GRIK3: variants seen among roughly 807,000 people sequenced by gnomAD.
The protein encoded by GRIK3 is glutamate ionotropic receptor kainate type subunit 3.
GRIK3 carries 29 observed loss-of-function variants against 102.5 expected under a neutral mutation model. The observed-to-expected ratio is 0.28, with a 90% CI of 0.21 to 0.39. The LOEUF (loss-of-function observed/expected upper bound fraction) is 0.39. Among genes scored for constraint, GRIK3 ranks in the 10% least tolerant of loss-of-function variants. The pLI, the probability that GRIK3 is intolerant of heterozygous loss-of-function variation, is 1.00. For missense variants in GRIK3, 908 were observed against 1,252.4 expected (o/e 0.73, Z 4.15); for synonymous variants, 511 against 504.9 (o/e 1.01, Z -0.16).
intron 1 of GRIK3, among the ~76,000 whole-genome samples, chr1:36,967,862 G>A (rs950623737): frequency 6.6e-6 from 1 of 152,198 alleles, no homozygotes. Flanking sequence ...ACAGATCTAC[G>A]ATAAATAGTA....
chr1:36,930,916 C>A (rs573865930), intron 1 of GRIK3, among the ~76,000 whole-genome samples: 1 of 152,202 alleles, frequency 6.6e-6, no homozygotes, highest in Non-Finnish European at 1.5e-5. Flanking sequence ...GAACTAGCTA[C>A]GCTTTTAGGT....
At chr1:37,025,188 C>T (rs1642754223) in intron 1 of GRIK3, among the ~76,000 whole-genome samples, 1 of 152,170 alleles carries the variant, frequency 6.6e-6, no homozygotes, top group African/African-American at 2.4e-5. Context: ...TGGATGGGGC[C>T]TACAATTGGT....
Position 37,020,382 on chromosome 1 carries a change from G to A in GRIK3, c.115+13612C>T, listed in dbSNP as rs548960451. ...AATATGGCTCTATTATAGGTATGCAGGTCTCCACAACTCAGGAAATAATAA... is the reference window on the plus strand; with the variant it reads ...AATATGGCTCTATTATAGGTATGCAAGTCTCCACAACTCAGGAAATAATAA... On this transcript the variant is annotated intron_variant, in intron 1 of 15. Transcript: ENST00000373091. 3.3e-5 allele frequency among the ~76,000 whole-genome samples: 5 copies of A among 152,306 alleles called. No individual in the cohort carries two copies. In the East Asian group the frequency reaches 9.6e-4, roughly 29 times the overall value.
intron 1 of GRIK3, among the ~76,000 whole-genome samples, chr1:36,984,512 A>G (rs1003381193): frequency 5.9e-5 from 9 of 152,196 alleles, no homozygotes; most frequent in Non-Finnish European, 1.0e-4. Flanking sequence ...CTTCCTGCTT[A>G]CCCAAACTCC....
At position 36,820,961 on chromosome 1, in the gene GRIK3, A is replaced by G. The variant is rs189708673; in HGVS notation, c.1755-1107T>C. 2.1e-3 allele frequency among the ~76,000 whole-genome samples: 316 copies of G among 152,302 alleles called. 4 individuals carry two copies. In the East Asian group the frequency reaches 0.027, roughly 13 times the overall value. ...AAGCTCGAGAGGTTGGGGGGACCCT[A>G]GAAAAAGTCCCAGGCTGGTGGACAT... On this transcript the variant is annotated intron_variant, in intron 11 of 15. Coordinates refer to ENST00000373091, the MANE Select transcript of GRIK3 (RefSeq NM_000831.4).
intron 1 of GRIK3, among the ~76,000 whole-genome samples, chr1:37,009,696 A>G: frequency 6.6e-6 from 1 of 152,220 alleles, no homozygotes; most frequent in Non-Finnish European, 1.5e-5. Context: ...TAATTAGGCT[A>G]GAGTTGCCTC....
In GRIK3 at chr1:36,806,738, A is replaced by G. The variant is rs1360981596; in HGVS notation, c.2092-412T>C. ...GGCACCATCACAAGCCCCATTTTAC[A>G]AATAAAAAGATTGAGGCACAGCTAA... is the stretch of plus-strand genomic sequence containing the variant. On this transcript the variant is annotated intron_variant, in intron 13 of 15. Transcript: ENST00000373091. This position sits in a 1 kb window ranked among gnomAD's most constrained non-coding sequence, Gnocchi z 4.0. 6.6e-6 allele frequency among the ~76,000 whole-genome samples: 1 copy of G among 152,202 alleles called. No homozygotes were observed. Among genetic ancestry groups the G allele is most frequent in the African/African-American group, 2.4e-5 (1 of 41,444 alleles).
rs1404159789 is a variant in GRIK3, at chr1:36,825,748, T to C, written c.1609A>G (p.Thr537Ala). ...CGATACAGGATGCTCACACCAAGTG[T>C]CATGAAGGGCTTGGAGAAGTCGATG... ...KAIDFSKPFMTLGVSILYRKP... is the reference protein window; with the variant it reads ...KAIDFSKPFMALGVSILYRKP... The change falls in exon 11 of 16, where the codon ACA becomes GCA. Residue 537 changes from threonine to alanine, a missense_variant. Coordinates refer to ENST00000373091, the MANE Select transcript of GRIK3 (RefSeq NM_000831.4). The C allele has an allele frequency of 1.9e-6, 3 of 1,613,930 alleles. No individual in the cohort carries two copies. Among genetic ancestry groups the C allele is most frequent in the South Asian group, 1.1e-5 (1 of 91,054 alleles).
intron 1 of GRIK3, among the ~76,000 whole-genome samples, chr1:36,928,713 G>GA (rs377089271): frequency 4.4e-4 from 67 of 151,384 alleles, no homozygotes; most frequent in South Asian, 2.9e-3. Flanking sequence ...CGTGGCAAAA[G>GA]AAAAAAAAAT....
At chr1:36,852,311 G>C (rs1640594819) in intron 8 of GRIK3, among the ~76,000 whole-genome samples, 1 of 152,208 alleles carries the variant, frequency 6.6e-6, no homozygotes, top group African/African-American at 2.4e-5. Context: ...GTACAAGGAG[G>C]ACAGCATTGA....
chr1:36,926,996 C>T (rs952980412), intron 1 of GRIK3, among the ~76,000 whole-genome samples: 1 of 152,214 alleles, frequency 6.6e-6, no homozygotes, highest in Non-Finnish European at 1.5e-5. Flanking sequence ...GTTGAACAGA[C>T]ACATTTCCCT....
At chr1:36,918,804 G>A (rs1232816480) in intron 1 of GRIK3, among the ~76,000 whole-genome samples, 1 of 152,174 alleles carries the variant, frequency 6.6e-6, no homozygotes, top group Non-Finnish European at 1.5e-5. Flanking sequence ...GAGCCAGTGG[G>A]AATAAACCCC....
chr1:37,023,326 C>CA lies in GRIK3; in HGVS notation c.115+10667dup, dbSNP rs34286119. Among the ~76,000 whole-genome samples the CA allele has an allele frequency of 7.7e-3, 915 of 118,828 alleles. 2 individuals carry two copies. Among genetic ancestry groups the CA allele is most frequent in the Middle Eastern group, 0.024 (5 of 210 alleles). 78.0% of individuals were successfully genotyped at this position (118,828 alleles called of 152,430 possible). A position where few individuals can be genotyped will look rare whatever the true frequency, so the allele number is the denominator to read the frequency against. ...TAAGCAACAGAGTGAGACTCTATCT[C>CA]AAAAAAAAAAAAAAGAAAGAAAGAA... On this transcript the variant is annotated intron_variant, in intron 1 of 15. Transcript: ENST00000373091.
At chr1:36,825,496 TG>T in intron 11 of GRIK3, 106 bp downstream of exon 11, 1 of 655,848 alleles carries the variant, frequency 1.5e-6, no homozygotes, top group Non-Finnish European at 2.6e-6. Context: ...GGTACAGCAG[TG>T]GCCTGAGCCT....
intron 1 of GRIK3, among the ~76,000 whole-genome samples, chr1:37,013,265 T>C (rs1164736068): frequency 6.6e-6 from 1 of 152,168 alleles, no homozygotes; most frequent in Non-Finnish European, 1.5e-5. Context: ...CCACAACATG[T>C]AGGAATTATG....
intron 1 of GRIK3, among the ~76,000 whole-genome samples, chr1:36,983,244 C>T (rs1472915833): frequency 1.3e-5 from 2 of 152,080 alleles, no homozygotes; most frequent in South Asian, 2.1e-4. Context: ...TCCCACAAAC[C>T]GGGGATACTC....
At position 36,806,168 on chromosome 1, in the gene GRIK3, G is replaced by C. The variant is rs1459734797; in HGVS notation, c.2250C>G (p.Asn750Lys). 6.2e-7 allele frequency: 1 copy of C among 1,614,168 alleles called. No homozygotes were observed. The highest frequency in any genetic ancestry group is 1.7e-5 in the Admixed American group (1 of 60,022). Residue 750 changes from asparagine to lysine, a missense_variant, in exon 14 of 16, where the codon AAC becomes AAG. This residue lies in a region of GRIK3 where 297 missense variants were observed against 362.7 expected (regional missense o/e 0.82). Coordinates refer to ENST00000373091, the MANE Select transcript of GRIK3 (RefSeq NM_000831.4). This position sits in a 1 kb window ranked among gnomAD's most constrained non-coding sequence, Gnocchi z 4.0. ...STTIEYVTQR[N>K]CNLTQIGGLI... ...GGCCCCCGATCTGGGTGAGGTTGCA[G>C]TTCCTCTGCGTGACGTACTCGATGG...
At chr1:36,957,354 GCCCCC>G in intron 1 of GRIK3, among the ~76,000 whole-genome samples, 1 of 146,948 alleles carries the variant, frequency 6.8e-6, no homozygotes, top group South Asian at 2.2e-4. Flanking sequence ...GTGAGCCTAT[GCCCCC>G]TGAGTCTGTG....
chr1:36,939,809 G>A (rs951637100), intron 1 of GRIK3, among the ~76,000 whole-genome samples: 1 of 152,220 alleles, frequency 6.6e-6, no homozygotes, highest in African/African-American at 2.4e-5. Context: ...GATTCCACGT[G>A]AATCAGAGGG....
Sources: gnomAD v4.1 joint callset for allele counts (sites outside exome capture counted in the v4.1 genomes callset) on GRCh38, gnomAD v4.1.1 for gene constraint, gnomAD v4.1.1 regional missense constraint, Gnocchi (gnomAD v3.1) non-coding constraint, MANE v1.5 for transcripts, NCBI Gene and HGNC (gene_info 2026-07-23, HGNC 2026-07-21) for gene names.